The following HIP1 variants were observed in gnomAD, a reference collection of about 807,000 sequenced individuals.
HIP1 encodes huntingtin interacting protein 1, also known as huntingtin-interacting protein 1.
Under a neutral mutation model 147.6 loss-of-function variants are expected in HIP1, and 65 were observed. That is an observed-to-expected ratio of 0.44 (90% confidence interval 0.36 to 0.54). The LOEUF is 0.54. HIP1 is among the 20% of genes least tolerant of loss of function. The probability of loss-of-function intolerance (pLI) is 0.00; values close to 1 mark genes in which losing one functional copy is unlikely to be tolerated. For synonymous variants in HIP1, 479 were observed against 504.0 expected (o/e 0.95, Z 0.67); for missense variants, 1,061 against 1,299.6 (o/e 0.82, Z 2.82).
chr7:75,571,252 G>A (rs1252336118), intron 8 of HIP1, among the ~76,000 whole-genome samples: 1 of 152,166 alleles, frequency 6.6e-6, no homozygotes, highest in East Asian at 1.9e-4. Flanking sequence ...CAAAAAGGCA[G>A]TGGTGATGTT....
intron 1 of HIP1, among the ~76,000 whole-genome samples, chr7:75,703,775 C>T (rs1241847175): frequency 7.2e-5 from 11 of 152,182 alleles, no homozygotes; most frequent in Admixed American, 7.2e-4. Context: ...GATCATTTCA[C>T]ATCCTACTAA....
In HIP1 at chr7:75,719,227, G is replaced by A. The variant is rs183790471; in HGVS notation, c.120+19574C>T. Among the ~76,000 whole-genome samples, 594 of 152,108 alleles carry A rather than the reference G, an allele frequency of 3.9e-3. 4 individuals are homozygous for A. Among genetic ancestry groups the A allele is most frequent in the South Asian group, 0.016 (78 of 4,808 alleles). ...AGTACTAGTAAGAGAAGACTAGGCC[G>A]GGCGTGGTGGCTCATGCTTATAATC... On this transcript the variant is annotated intron_variant, in intron 1 of 30. Transcript: ENST00000336926.
intron 2 of HIP1, among the ~76,000 whole-genome samples, chr7:75,593,451 C>T (rs1391430211): frequency 2.6e-5 from 4 of 151,636 alleles, no homozygotes; most frequent in African/African-American, 4.8e-5. Flanking sequence ...ACCAACACGG[C>T]GAAACTCCAT....
intron 1 of HIP1, among the ~76,000 whole-genome samples, chr7:75,654,005 A>G (rs1332323073): frequency 6.6e-6 from 1 of 152,160 alleles, no homozygotes; most frequent in Non-Finnish European, 1.5e-5. Flanking sequence ...GCTTTAGCAA[A>G]GGCACTTACA....
chr7:75,735,163 T>G (rs1334910289), intron 1 of HIP1, among the ~76,000 whole-genome samples: 5 of 152,210 alleles, frequency 3.3e-5, no homozygotes, highest in African/African-American at 1.2e-4. Context: ...AACCGAGGCT[T>G]AGAAAGGTTA....
intron 1 of HIP1, among the ~76,000 whole-genome samples, chr7:75,677,298 G>A (rs1430899830): frequency 6.6e-6 from 1 of 151,492 alleles, no homozygotes; most frequent in Non-Finnish European, 1.5e-5. Context: ...GAGAGTTTAA[G>A]TAAGGTCAAA....
At chr7:75,555,588 A>T in intron 18 of HIP1, 37 bp from the exon 19 acceptor site, 2 of 1,612,822 alleles carry the variant, frequency 1.2e-6, no homozygotes, top group Non-Finnish European at 1.7e-6. Flanking sequence ...TCTGCCCTAG[A>T]CTCCATAATG....
At chr7:75,541,231 T>C (rs1422724389) in intron 29 of HIP1, among the ~76,000 whole-genome samples, 1 of 151,320 alleles carries the variant, frequency 6.6e-6, no homozygotes, top group African/African-American at 2.4e-5. Context: ...CTTATCTCTA[T>C]TAAAAATAAA....
intron 5 of HIP1, among the ~76,000 whole-genome samples, chr7:75,585,594 C>T (rs1169205499): frequency 1.2e-4 from 18 of 151,912 alleles, no homozygotes; most frequent in Non-Finnish European, 2.9e-5. Flanking sequence ...CTCTCAGCCT[C>T]TCCCTCCTGC....
At chr7:75,654,881 G>A (rs577929709) in intron 1 of HIP1, among the ~76,000 whole-genome samples, 31 of 152,242 alleles carry the variant, frequency 2.0e-4, no homozygotes, top group African/African-American at 7.2e-4. Flanking sequence ...CGGGCATGGT[G>A]GCACATGCTT....
chr7:75,610,202 CCT>C (rs1491442358), intron 1 of HIP1, among the ~76,000 whole-genome samples: 102 of 129,166 alleles, frequency 7.9e-4, no homozygotes, highest in African/African-American at 3.7e-3. Flanking sequence ...CTCATCCAGC[CCT>C]TTTTTTTTTT....
intron 1 of HIP1, among the ~76,000 whole-genome samples, chr7:75,664,877 T>A (rs549007928): frequency 6.6e-6 from 1 of 152,198 alleles, no homozygotes; most frequent in South Asian, 2.1e-4. Flanking sequence ...TGCCTTGGCC[T>A]CCCAAAGTGC....
chr7:75,558,151 G>A lies in HIP1; in HGVS notation c.1464+16C>T. On this transcript the variant is annotated intron_variant, in intron 15 of 30. Transcript: ENST00000336926. ...TGCAGGGCCTGCAGGATGGTGACAG[G>A]GGCTGAGGGTCTTACCTTCCGCAGC... 6.2e-7 allele frequency: 1 copy of A among 1,605,932 alleles called. No individual in the cohort carries two copies. The highest frequency in any genetic ancestry group is 1.1e-5 in the South Asian group (1 of 90,898).
intron 19 of HIP1, among the ~76,000 whole-genome samples, chr7:75,555,168 A>C: frequency 8.9e-6 from 1 of 112,908 alleles, no homozygotes; most frequent in East Asian, 3.1e-4. Context: ...GCAACAGAGT[A>C]AGACCCTATC....
intron 2 of HIP1, among the ~76,000 whole-genome samples, chr7:75,597,452 C>T (rs1480419256): frequency 1.3e-5 from 2 of 152,120 alleles, no homozygotes; most frequent in Non-Finnish European, 2.9e-5. Flanking sequence ...TGGGTGCGGC[C>T]TCCGAAGTTG....
At chr7:75,676,205 G>A (rs1409885352) in intron 1 of HIP1, among the ~76,000 whole-genome samples, 11 of 152,074 alleles carry the variant, frequency 7.2e-5, no homozygotes, top group Non-Finnish European at 1.0e-4. Flanking sequence ...AATTCTTTGC[G>A]CAGTTAACTT....
intron 1 of HIP1, among the ~76,000 whole-genome samples, chr7:75,663,945 T>C (rs1470622651): frequency 1.4e-5 from 2 of 138,576 alleles, no homozygotes; most frequent in Non-Finnish European, 3.1e-5. Context: ...TATATATATA[T>C]ATACACATAT....
At chr7:75,652,977 G>A (rs1399487677) in intron 1 of HIP1, among the ~76,000 whole-genome samples, 1 of 152,188 alleles carries the variant, frequency 6.6e-6, no homozygotes, top group Non-Finnish European at 1.5e-5. Flanking sequence ...GGTCAGCTGA[G>A]TGTGACAGTT....
At chr7:75,649,636 G>A (rs1257652982) in intron 1 of HIP1, among the ~76,000 whole-genome samples, 29 of 152,240 alleles carry the variant, frequency 1.9e-4, no homozygotes, top group Non-Finnish European at 4.4e-5. Flanking sequence ...ATCAGCCTGG[G>A]CATCAGAACT....
Sources: allele counts gnomAD v4.1 joint callset (sites outside exome capture counted in the v4.1 genomes callset), GRCh38; gene constraint gnomAD v4.1.1; transcripts MANE v1.5; gene names NCBI Gene and HGNC (gene_info 2026-07-23, HGNC 2026-07-21).